The following ZDHHC21 variants were observed in gnomAD, a reference collection of about 807,000 sequenced individuals.
ZDHHC21 encodes palmitoyltransferase ZDHHC21.
A neutral mutation model predicts 34.6 loss-of-function variants in ZDHHC21; 15 were observed. The observed-to-expected ratio is 0.43, with a 90% CI of 0.29 to 0.67. The LOEUF (loss-of-function observed/expected upper bound fraction) is 0.67. Ranked by LOEUF, ZDHHC21 falls within the 30% of genes least tolerant of loss-of-function variation. The pLI, the probability that ZDHHC21 is intolerant of heterozygous loss-of-function variation, is 0.14. For synonymous variants in ZDHHC21, 142 were observed against 101.8 expected, an observed-to-expected ratio of 1.40 and a Z score of -2.38; for missense variants, 344 against 327.7, an observed-to-expected ratio of 1.05 and a Z score of -0.38.
intron 6 of ZDHHC21, among the ~76,000 whole-genome samples, chr9:14,660,132 G>A (rs945426315): frequency 1.3e-5 from 2 of 152,066 alleles, no homozygotes; most frequent in African/African-American, 2.4e-5. Flanking sequence ...TTGGGAGGCC[G>A]AGGGGAGCAG....
chr9:14,631,002 C>A (rs1361882015), intron 8 of ZDHHC21, among the ~76,000 whole-genome samples: 1 of 152,198 alleles, frequency 6.6e-6, no homozygotes, highest in East Asian at 1.9e-4. Context: ...CTGGCTTCAA[C>A]TTACAGTCAC....
intron 5 of ZDHHC21, among the ~76,000 whole-genome samples, chr9:14,671,677 A>G (rs1442203097): frequency 2.0e-5 from 3 of 147,582 alleles, no homozygotes; most frequent in African/African-American, 7.8e-5. Flanking sequence ...ACAAAACCAC[A>G]TGTCGAACAT....
intron 7 of ZDHHC21, among the ~76,000 whole-genome samples, chr9:14,641,223 C>T (rs1829317265): frequency 2.0e-5 from 3 of 152,166 alleles, no homozygotes; most frequent in Admixed American, 2.0e-4. Flanking sequence ...TCTGATTCCA[C>T]ATCCACATTA....
At position 14,655,048 on chromosome 9, in the gene ZDHHC21, C is replaced by A. The variant is rs141220193; in HGVS notation, c.504+3701G>T. ...AGAAAAAAGTGCAAAGAAAACAATA[C>A]CAAAGCACATCATAGAATCACAGAA... On this transcript the variant is annotated intron_variant, in intron 7 of 9. Transcript: ENST00000380916. Among the ~76,000 whole-genome samples the A allele has an allele frequency of 6.9e-4, 105 of 151,978 alleles. 1 individual carries two copies. In the East Asian group the frequency reaches 0.018, roughly 25 times the overall value.
At chr9:14,619,189 C>A (rs762983193) in intron 9 of ZDHHC21, 91 bp from the exon 10 acceptor site, 4 of 1,360,800 alleles carry the variant, frequency 2.9e-6, no homozygotes, top group Non-Finnish European at 3.9e-6. Flanking sequence ...GGATCCATTA[C>A]TGGACTCTGA....
intron 8 of ZDHHC21, among the ~76,000 whole-genome samples, chr9:14,620,811 CA>C (rs1456314862): frequency 1.3e-5 from 2 of 151,978 alleles, no homozygotes; most frequent in African/African-American, 4.8e-5. Flanking sequence ...TAACCAACAA[CA>C]TAGTTTCATT....
intron 8 of ZDHHC21, among the ~76,000 whole-genome samples, chr9:14,637,106 A>G (rs964984240): frequency 6.6e-6 from 1 of 152,066 alleles, no homozygotes; most frequent in Non-Finnish European, 1.5e-5. Flanking sequence ...AAGAAGCAAT[A>G]AGACAAAAAG....
intron 5 of ZDHHC21, among the ~76,000 whole-genome samples, chr9:14,664,098 C>T (rs1044935246): frequency 3.9e-5 from 6 of 152,086 alleles, no homozygotes; most frequent in African/African-American, 9.7e-5. Flanking sequence ...TCTGAGGTAC[C>T]GGGTTCATCT....
intron 1 of ZDHHC21, among the ~76,000 whole-genome samples, chr9:14,691,429 A>G (rs1401147068): frequency 6.6e-6 from 1 of 152,188 alleles, no homozygotes; most frequent in Non-Finnish European, 1.5e-5. Context: ...TAAAACCATT[A>G]TTTTATTCAT....
Position 14,619,026 on chromosome 9 carries a change from G to A in ZDHHC21, c.738C>T (p.Phe246=). The A allele has an allele frequency of 2.5e-6, 4 of 1,612,492 alleles. No individual in the cohort carries two copies. The highest frequency in any genetic ancestry group is 3.4e-6 in the Non-Finnish European group (4 of 1,179,120). Residue 246 remains phenylalanine (F), a synonymous_variant, in exon 10 of 10, where the codon TTC becomes TTT. Transcript: ENST00000380916. ...GTGGTTGCCTCTGCCTGAAAGGAAT[G>A]AACCACAGGATCTTCCAACGAGTGC... ...VFGTRWKILW[F]IPFRQRQPLR...
chr9:14,621,201 A>G (rs1238643098), intron 8 of ZDHHC21, among the ~76,000 whole-genome samples: 4 of 152,062 alleles, frequency 2.6e-5, no homozygotes, highest in African/African-American at 9.6e-5. Context: ...TAGAATAGCT[A>G]TTAGGAAAGG....
the ZDHHC21 span, among the ~76,000 whole-genome samples, chr9:14,596,041 C>A: frequency 6.6e-6 from 1 of 152,176 alleles, no homozygotes; most frequent in Non-Finnish European, 1.5e-5. Flanking sequence ...CATAAACCTA[C>A]CATTCAACCC....
intron 8 of ZDHHC21, among the ~76,000 whole-genome samples, chr9:14,628,913 A>T (rs975160530): frequency 6.6e-6 from 1 of 152,190 alleles, no homozygotes. Context: ...AAGAATCTTA[A>T]ATCAATGTGA....
At chr9:14,684,538 C>G (rs1837962311) in intron 2 of ZDHHC21, among the ~76,000 whole-genome samples, 1 of 150,582 alleles carries the variant, frequency 6.6e-6, no homozygotes, top group Non-Finnish European at 1.5e-5. Flanking sequence ...AACCACTGCT[C>G]AATGAAATAA....
chr9:14,647,826 T>C (rs1223469306), intron 7 of ZDHHC21, among the ~76,000 whole-genome samples: 2 of 152,156 alleles, frequency 1.3e-5, no homozygotes, highest in Non-Finnish European at 2.9e-5. Flanking sequence ...TTCTTTTCTA[T>C]TTCGAATTAC....
chr9:14,641,837 G>A lies in ZDHHC21; in HGVS notation c.505-1825C>T, dbSNP rs190176015. Among the ~76,000 whole-genome samples, 379 of 151,890 alleles carry A rather than the reference G, an allele frequency of 2.5e-3. 3 individuals carry two copies. The highest frequency in any genetic ancestry group is 8.9e-3 in the African/African-American group (367 of 41,186). On this transcript the variant is annotated intron_variant, in intron 7 of 9. Coordinates refer to ENST00000380916, the MANE Select transcript of ZDHHC21 (RefSeq NM_178566.6). ...TCACGTAATATTTATATAAAAGAGTGCTGTTGTTTTTATTATATTCCTATC... is the reference window on the plus strand; with the variant it reads ...TCACGTAATATTTATATAAAAGAGTACTGTTGTTTTTATTATATTCCTATC...
chr9:14,676,566 G>A (rs555944774), intron 3 of ZDHHC21, among the ~76,000 whole-genome samples: 1 of 151,906 alleles, frequency 6.6e-6, no homozygotes, highest in East Asian at 1.9e-4. Flanking sequence ...GTTTAAATCC[G>A]GTATGTTCTA....
intron 8 of ZDHHC21, 132 bp downstream of exon 8, chr9:14,639,764 G>T: frequency 2.0e-6 from 1 of 498,412 alleles, no homozygotes; most frequent in South Asian, 4.6e-5. Context: ...AAATTACATA[G>T]GCACATGAAA....
At chr9:14,682,628 C>G (rs529997672) in intron 2 of ZDHHC21, among the ~76,000 whole-genome samples, 1 of 152,004 alleles carries the variant, frequency 6.6e-6, no homozygotes, top group East Asian at 1.9e-4. Flanking sequence ...ATTAGATCAA[C>G]GAGACAGGAA....
Sources: gnomAD v4.1 joint callset for allele counts (sites outside exome capture counted in the v4.1 genomes callset) on GRCh38, gnomAD v4.1.1 for gene constraint, MANE v1.5 for transcripts, NCBI Gene and HGNC (gene_info 2026-07-23, HGNC 2026-07-21) for gene names.